STPG1: variants seen among roughly 807,000 people sequenced by gnomAD.
STPG1 encodes sperm tail PG-rich repeat containing 1.
A neutral mutation model predicts 40.1 loss-of-function variants in STPG1; 33 were observed. The observed-to-expected ratio is 0.82, with a 90% CI of 0.62 to 1.10. STPG1 has a LOEUF of 1.10. Among genes scored for constraint, STPG1 ranks in the 50% least tolerant of loss-of-function variants. STPG1 has a pLI of 0.00. For synonymous variants in STPG1, 150 were observed against 155.0 expected, an observed-to-expected ratio of 0.97 and a Z score of 0.24; for missense variants, 396 against 415.1, an observed-to-expected ratio of 0.95 and a Z score of 0.40.
chr1:24,391,791 A>G (rs1326762719), intron 2 of STPG1, 112 bp from the exon 3 acceptor site: 2 of 1,189,048 alleles, frequency 1.7e-6, no homozygotes, highest in Admixed American at 7.1e-5. Context: ...GAGAAGAGAA[A>G]CTTGCCTTTT....
At chr1:24,391,790 A>G (rs941896426) in intron 2 of STPG1, 111 bp from the exon 3 acceptor site, 4 of 1,190,292 alleles carry the variant, frequency 3.4e-6, no homozygotes, top group Non-Finnish European at 4.4e-6. Flanking sequence ...AGAGAAGAGA[A>G]ACTTGCCTTT....
Position 24,369,615 on chromosome 1 carries a change from G to T in STPG1, c.737+59C>A, listed in dbSNP as rs191031591. The T allele has an allele frequency of 3.1e-4, 474 of 1,530,588 alleles. 7 individuals are homozygous for T. The East Asian group carries it at 5.4e-3, about 17-fold the overall frequency. The allele number at this position is 1,530,588 out of a possible 1,614,324, so 94.8% of individuals were successfully genotyped here. On this transcript the variant is annotated intron_variant, in intron 7 of 8. Transcript: ENST00000337248. Reference sequence around the variant, plus strand: ...AGTGACACCCCATCCTTTTCTCTATGTTGGGCTTCTTCCCCACAACCACCT... The same window carrying T: ...AGTGACACCCCATCCTTTTCTCTATTTTGGGCTTCTTCCCCACAACCACCT...
rs566547719 is a variant in STPG1 at position 24,367,715 on chromosome 1, T to C, written c.737+1959A>G. On this transcript the variant is annotated intron_variant, in intron 7 of 8. Transcript: ENST00000337248. ...TTTTAGTAGAGATGGGGTTTTGCCA[T>C]GTTGGCCAGACTGGTCTCAAACTCC... 3.9e-5 allele frequency among the ~76,000 whole-genome samples: 6 copies of C among 152,294 alleles called. No individual in the cohort carries two copies. In the South Asian group the frequency reaches 1.2e-3, roughly 32 times the overall value.
chr1:24,376,006 G>C (rs1211066230), intron 5 of STPG1, among the ~76,000 whole-genome samples: 2 of 152,154 alleles, frequency 1.3e-5, no homozygotes, highest in African/African-American at 4.8e-5. Flanking sequence ...GAGAGAATAT[G>C]AAAGAAATTG....
intron 1 of STPG1, among the ~76,000 whole-genome samples, chr1:24,412,990 A>C (rs1467257411): frequency 6.6e-6 from 1 of 152,246 alleles, no homozygotes; most frequent in Non-Finnish European, 1.5e-5. Context: ...AACATGTACT[A>C]AACTATGTAT....
intron 1 of STPG1, among the ~76,000 whole-genome samples, chr1:24,411,204 T>C (rs1024615796): frequency 6.6e-6 from 1 of 152,232 alleles, no homozygotes; most frequent in East Asian, 1.9e-4. Flanking sequence ...ATGCAATTTT[T>C]ATAATAATCC....
chr1:24,394,653 C>T (rs1044172039), intron 2 of STPG1, among the ~76,000 whole-genome samples: 1 of 151,916 alleles, frequency 6.6e-6, no homozygotes. Context: ...AGATCCAAAT[C>T]GAACTACCAG....
intron 2 of STPG1, among the ~76,000 whole-genome samples, chr1:24,395,016 C>T (rs1488756596): frequency 6.6e-6 from 1 of 151,678 alleles, no homozygotes; most frequent in Non-Finnish European, 1.5e-5. Flanking sequence ...AAAATGACAC[C>T]GTAGGCCAAC....
At chr1:24,373,309 C>G (rs1641839637) in intron 6 of STPG1, among the ~76,000 whole-genome samples, 1 of 152,192 alleles carries the variant, frequency 6.6e-6, no homozygotes. Context: ...AACGTGGCAG[C>G]TCAGTGTTGA....
Position 24,401,457 on chromosome 1 carries a change from C to T in STPG1, c.-68-1G>A, listed in dbSNP as rs1643225550. 4.5e-6 allele frequency: 6 copies of T among 1,327,736 alleles called. No individual in the cohort carries two copies. The highest frequency in any genetic ancestry group is 6.5e-6 in the Non-Finnish European group (6 of 925,246). 82.2% of individuals were successfully genotyped at this position (1,327,736 alleles called of 1,614,324 possible). ...TTCTACTGCATGTTCTCCTAAGCACCTGAAACAGCAAAACACAGCATTTGT... is the reference window on the plus strand; with the variant it reads ...TTCTACTGCATGTTCTCCTAAGCACTTGAAACAGCAAAACACAGCATTTGT... On this transcript the variant is annotated splice_acceptor_variant, in intron 1 of 8. Coordinates refer to ENST00000337248, the MANE Select transcript of STPG1 (RefSeq NM_001199013.2). LOFTEE classifies it low-confidence loss of function (5UTR_SPLICE).
At position 24,360,949 on chromosome 1, in the gene STPG1, T is replaced by C. The variant is rs776050688; in HGVS notation, c.830A>G (p.Tyr277Cys). ...PGPGQYEIVDYLGPRKHFISS... is the reference protein window; with the variant it reads ...PGPGQYEIVDCLGPRKHFISS... ...GATGAAATGCTTGCGGGGGCCTAAG[T>C]AGTCCACGATCTCATACTGACCAGG... Residue 277 changes from tyrosine to cysteine, a missense_variant, in exon 8 of 9, where the codon TAC (tyrosine) becomes TGC (cysteine). By Grantham distance (194) the Tyr-to-Cys change is radical (BLOSUM62 -2). Coordinates refer to ENST00000337248, the MANE Select transcript of STPG1 (RefSeq NM_001199013.2). The C allele has an allele frequency of 3.7e-6, 6 of 1,614,042 alleles. No individual in the cohort carries two copies. Among genetic ancestry groups the C allele is most frequent in the Non-Finnish European group, 5.1e-6 (6 of 1,179,998 alleles).
At chr1:24,393,513 A>G (rs501748) in intron 2 of STPG1, among the ~76,000 whole-genome samples, 105,785 of 151,994 alleles carry the variant, frequency 0.7, 37,767 homozygotes, top group African/African-American at 0.88. Context: ...AGGCAGTAAA[A>G]AGAGAGTTAT....
intron 2 of STPG1, among the ~76,000 whole-genome samples, chr1:24,392,444 ACTCC>A (rs1455548808): frequency 6.6e-6 from 1 of 151,938 alleles, no homozygotes; most frequent in African/African-American, 2.4e-5. Context: ...CAGCTTCACC[ACTCC>A]CTCATTCCCT....
chr1:24,392,157 G>T, intron 2 of STPG1: 1 of 812,590 alleles, frequency 1.2e-6, no homozygotes, highest in Non-Finnish European at 1.5e-6. Flanking sequence ...TCAGGGCACT[G>T]TGCAAGACAG....
rs139547956 is a variant in STPG1, at chr1:24,361,009, G to A, written c.770C>T (p.Pro257Leu). 1.9e-6 allele frequency: 3 copies of A among 1,612,844 alleles called. No individual in the cohort carries two copies. Among genetic ancestry groups the A allele is most frequent in the Non-Finnish European group, 2.5e-6 (3 of 1,179,450 alleles). The part of the protein sequence containing the change: ...KNPILNFSAQ[P>L]SPLPPKPPFP... ...AGGTGGCTTCGGAGGCAGAGGCGAAGGCTGAGCAGAGAAGTTCAGGATGGG... is the reference window on the plus strand; with the variant it reads ...AGGTGGCTTCGGAGGCAGAGGCGAAAGCTGAGCAGAGAAGTTCAGGATGGG... Residue 257 changes from proline (P) to leucine (L), a missense_variant, in exon 8 of 9, where the codon CCT (proline) becomes CTT (leucine). Physicochemically the swap from Pro to Leu is moderately conservative, Grantham distance 98. Coordinates refer to ENST00000337248, the MANE Select transcript of STPG1 (RefSeq NM_001199013.2).
chr1:24,392,730 T>C (rs370029987), intron 2 of STPG1, among the ~76,000 whole-genome samples: 4 of 152,290 alleles, frequency 2.6e-5, no homozygotes, highest in South Asian at 2.1e-4. Flanking sequence ...ACCGTAAGTC[T>C]TGACATCCAA....
At chr1:24,368,858 T>C (rs140172565) in intron 7 of STPG1, 2,483 of 157,682 alleles carry the variant, frequency 0.016, 72 homozygotes, top group African/African-American at 0.056. Flanking sequence ...GCGTGCACCA[T>C]CATGCCTGGA....
intron 7 of STPG1, chr1:24,369,105 C>T (rs577314287): frequency 1.6e-4 from 52 of 317,860 alleles, no homozygotes; most frequent in Admixed American, 1.1e-3. Context: ...AGAACTCTGC[C>T]CAAGGTCACA....
At chr1:24,388,586 A>G (rs1216529182) in intron 3 of STPG1, among the ~76,000 whole-genome samples, 1 of 152,222 alleles carries the variant, frequency 6.6e-6, no homozygotes, top group Non-Finnish European at 1.5e-5. Flanking sequence ...AAGGGCACTG[A>G]TTCTCTGTGT....
Sources: gnomAD v4.1 joint callset for allele counts (sites outside exome capture counted in the v4.1 genomes callset) on GRCh38, gnomAD v4.1.1 for gene constraint, MANE v1.5 for transcripts, NCBI Gene and HGNC (gene_info 2026-07-23, HGNC 2026-07-21) for gene names.